GNPTAB: variants seen among roughly 807,000 people sequenced by gnomAD.
The protein encoded by GNPTAB is N-acetylglucosamine-1-phosphate transferase subunits alpha and beta.
A neutral mutation model predicts 136.6 loss-of-function variants in GNPTAB; 92 were observed. The ratio of observed to expected loss-of-function variants is 0.67; its 90% confidence interval spans 0.57 to 0.80. The LOEUF (loss-of-function observed/expected upper bound fraction) is 0.80, where lower values mean the gene tolerates loss of function less well. GNPTAB is among the 30% of genes least tolerant of loss of function. The pLI is 0.00. For missense variants in GNPTAB, 1,343 were observed against 1,501.8 expected (o/e 0.89, Z 1.75); for synonymous variants, 512 against 535.1 (o/e 0.96, Z 0.60).
intron 19 of GNPTAB, among the ~76,000 whole-genome samples, chr12:101,749,675 G>C (rs1952787360): frequency 1.3e-5 from 2 of 152,232 alleles, no homozygotes; most frequent in Non-Finnish European, 2.9e-5. Context: ...GAAAAACTTA[G>C]AGAAATGAGG....
intron 1 of GNPTAB, among the ~76,000 whole-genome samples, chr12:101,827,416 T>A (rs1292368456): frequency 6.6e-6 from 1 of 152,068 alleles, no homozygotes; most frequent in Non-Finnish European, 1.5e-5. Context: ...TTTTATTTTT[T>A]TTTGTAGAGA....
At chr12:101,830,083 C>T (rs1467416743) in intron 1 of GNPTAB, among the ~76,000 whole-genome samples, 1 of 151,816 alleles carries the variant, frequency 6.6e-6, no homozygotes, top group Non-Finnish European at 1.5e-5. Flanking sequence ...TACAGCTTTC[C>T]TCCCCGTTGC....
chr12:101,801,893 A>C (rs1246150664), intron 1 of GNPTAB, among the ~76,000 whole-genome samples: 1 of 151,620 alleles, frequency 6.6e-6, no homozygotes, highest in Non-Finnish European at 1.5e-5. Flanking sequence ...AAAAAGAAAA[A>C]ATTTTTTTTA....
At chr12:101,819,653 T>G (rs1365480312) in intron 1 of GNPTAB, among the ~76,000 whole-genome samples, 3 of 152,204 alleles carry the variant, frequency 2.0e-5, no homozygotes, top group Admixed American at 2.0e-4. Context: ...CCTGACCTGG[T>G]CTTTCTGAAA....
At chr12:101,757,000 A>C (rs1952910181) in intron 18 of GNPTAB, 1 of 521,296 alleles carries the variant, frequency 1.9e-6, no homozygotes, top group South Asian at 2.7e-5. Context: ...TATTAATAGA[A>C]CCCAGTTCTT....
chr12:101,786,167 A>G lies in GNPTAB; in HGVS notation c.416T>C (p.Leu139Pro). 4 of 1,614,062 alleles carry G rather than the reference A, an allele frequency of 2.5e-6. No individual in the cohort carries two copies. Among genetic ancestry groups the G allele is most frequent in the Non-Finnish European group, 3.4e-6 (4 of 1,180,004 alleles). ...GGCTGGCAGGGCTGGGTCCAGGACA[A>G]GCATTGGCACCTTAATGCAGTGTGT... ...LLTHCIKVPM[L>P]VLDPALPANI... Residue 139 changes from leucine to proline, a missense_variant, in exon 5 of 21, where the codon CTT becomes CCT. Transcript: ENST00000299314.
chr12:101,823,985 T>C (rs1870945802), intron 1 of GNPTAB, among the ~76,000 whole-genome samples: 1 of 152,186 alleles, frequency 6.6e-6, no homozygotes, highest in Non-Finnish European at 1.5e-5. Flanking sequence ...CTGAAGCCAG[T>C]GTCTTCAAGA....
intron 1 of GNPTAB, among the ~76,000 whole-genome samples, chr12:101,812,515 G>A (rs774419355): frequency 6.6e-6 from 1 of 152,132 alleles, no homozygotes; most frequent in Non-Finnish European, 1.5e-5. Flanking sequence ...CAGCACTTTC[G>A]GAAGCTGAGG....
intron 18 of GNPTAB, chr12:101,756,284 T>C (rs1952899307): frequency 6.3e-6 from 1 of 157,680 alleles, no homozygotes; most frequent in Admixed American, 6.4e-5. Context: ...AGAACAGGGT[T>C]TATAGAAAAA....
At chr12:101,780,343 T>G in intron 6 of GNPTAB, 57 bp from the exon 7 acceptor site, 1 of 1,569,172 alleles carries the variant, frequency 6.4e-7, no homozygotes, top group Non-Finnish European at 8.8e-7. Context: ...GGTGAAAACC[T>G]ACAGCTGAGA....
At chr12:101,771,909 GTA>G (rs1953182151) in intron 7 of GNPTAB, among the ~76,000 whole-genome samples, 1 of 152,230 alleles carries the variant, frequency 6.6e-6, no homozygotes, top group African/African-American at 2.4e-5. Context: ...AATCTGCAAT[GTA>G]ATTAACCTTG....
chr12:101,816,162 G>C (rs114843947), intron 1 of GNPTAB, among the ~76,000 whole-genome samples: 140 of 152,148 alleles, frequency 9.2e-4, no homozygotes, highest in African/African-American at 3.2e-3. Context: ...GACCTAAAGA[G>C]AATACACAGC....
intron 1 of GNPTAB, among the ~76,000 whole-genome samples, chr12:101,800,430 T>A (rs530685727): frequency 6.6e-6 from 1 of 152,028 alleles, no homozygotes; most frequent in Non-Finnish European, 1.5e-5. Flanking sequence ...TGGATGGCCA[T>A]CCTGGAGATC....
Position 101,770,604 on chromosome 12 carries a change from A to T in GNPTAB, c.934-19T>A, listed in dbSNP as rs766680130. Reference sequence around the variant, plus strand: ...GCTTAGACTGAGAAAAACACTTGGCATATGAAGATGTGAAATACCCCTTAA... The same window carrying T: ...GCTTAGACTGAGAAAAACACTTGGCTTATGAAGATGTGAAATACCCCTTAA... On this transcript the variant is annotated intron_variant, in intron 8 of 20. Transcript: ENST00000299314. 3 of 1,591,790 alleles carry T rather than the reference A, an allele frequency of 1.9e-6. No individual in the cohort carries two copies. The East Asian group carries it at 6.7e-5, about 36-fold the overall frequency.
chr12:101,779,066 G>A (rs573326646), intron 7 of GNPTAB: 2 of 148,238 alleles, frequency 1.3e-5, no homozygotes, highest in Admixed American at 1.3e-4. Context: ...TGGTTGGGGG[G>A]TGCATATAAA....
At chr12:101,781,144 GAGCATCATA>G (rs1305944699) in intron 5 of GNPTAB, among the ~76,000 whole-genome samples, 2 of 152,142 alleles carry the variant, frequency 1.3e-5, no homozygotes, top group Non-Finnish European at 2.9e-5. Flanking sequence ...CTGCTGAATG[GAGCATCATA>G]AGTCACAGTA....
chr12:101,770,303 G>A, intron 9 of GNPTAB, 103 bp downstream of exon 9: 2 of 1,373,470 alleles, frequency 1.5e-6, no homozygotes, highest in East Asian at 2.3e-5. Context: ...AGGAAGAAAT[G>A]GAGGTAGAAG....
intron 5 of GNPTAB, among the ~76,000 whole-genome samples, chr12:101,781,612 G>C (rs1379479088): frequency 6.6e-6 from 1 of 152,160 alleles, no homozygotes; most frequent in Non-Finnish European, 1.5e-5. Flanking sequence ...CTGAGCCCCG[G>C]AGTTGGGGCT....
At chr12:101,757,682 G>A (rs1952924418) in intron 16 of GNPTAB, 25 bp from the exon 17 acceptor site, 1 of 1,139,150 alleles carries the variant, frequency 8.8e-7, no homozygotes, top group Non-Finnish European at 1.3e-6. Flanking sequence ...AAGTAGATCA[G>A]ATATCACATC....
Sources: allele counts gnomAD v4.1 joint callset (sites outside exome capture counted in the v4.1 genomes callset), GRCh38; gene constraint gnomAD v4.1.1; transcripts MANE v1.5; gene names NCBI Gene and HGNC (gene_info 2026-07-23, HGNC 2026-07-21).